The following ITGAM variants were observed in gnomAD, a reference collection of about 807,000 sequenced individuals.
ITGAM encodes integrin subunit alpha M.
A neutral mutation model predicts 137.5 loss-of-function variants in ITGAM; 79 were observed. The ratio of observed to expected loss-of-function variants is 0.57; its 90% confidence interval spans 0.48 to 0.69. The LOEUF (loss-of-function observed/expected upper bound fraction) is 0.69, where lower values mean the gene tolerates loss of function less well. Among genes scored for constraint, ITGAM ranks in the 30% least tolerant of loss-of-function variants. The probability of loss-of-function intolerance (pLI) is 0.00; values close to 1 mark genes in which losing one functional copy is unlikely to be tolerated. For missense variants in ITGAM, 1,343 were observed against 1,483.5 expected (o/e 0.91, Z 1.56); for synonymous variants, 583 against 592.3 (o/e 0.98, Z 0.23).
At chr16:31,281,634 C>T (rs1000922801) in intron 12 of ITGAM, among the ~76,000 whole-genome samples, 21 of 152,044 alleles carry the variant, frequency 1.4e-4, no homozygotes, top group South Asian at 6.2e-4. Flanking sequence ...GTCTTGCTAG[C>T]GGTCTATCAG....
chr16:31,304,386 T>G (rs1017936512), intron 14 of ITGAM, among the ~76,000 whole-genome samples: 1 of 152,212 alleles, frequency 6.6e-6, no homozygotes, highest in African/African-American at 2.4e-5. Context: ...GATGCATAGT[T>G]GGCAAATATT....
Position 31,285,672 on chromosome 16 carries a change from T to C in ITGAM, c.1356+7563T>C, listed in dbSNP as rs2080021251. ...AAAATTTCAAGTTTTAGATTTGGGG[T>C]ACATGTATAGGCTTGTTACATGCAT... On this transcript the variant is annotated intron_variant, in intron 12 of 29. Transcript: ENST00000544665. Among the ~76,000 whole-genome samples the C allele has an allele frequency of 2.0e-5, 3 of 152,138 alleles. No homozygotes were observed. The South Asian group carries it at 6.2e-4, about 32-fold the overall frequency.
chr16:31,262,702 G>A (rs542776165), intron 2 of ITGAM, among the ~76,000 whole-genome samples: 2 of 152,212 alleles, frequency 1.3e-5, no homozygotes, highest in South Asian at 4.2e-4. Context: ...ACTGTGCCTG[G>A]CTATGGCCAC....
At chr16:31,325,733 G>C in intron 21 of ITGAM, 111 bp downstream of exon 21, 1 of 1,315,002 alleles carries the variant, frequency 7.6e-7, no homozygotes, top group South Asian at 1.5e-5. Flanking sequence ...CAGCTTTATT[G>C]AGATATAATT....
At chr16:31,279,044 A>G (rs950736729) in intron 12 of ITGAM, among the ~76,000 whole-genome samples, 2 of 152,180 alleles carry the variant, frequency 1.3e-5, no homozygotes, top group African/African-American at 2.4e-5. Flanking sequence ...AGCTTCATCC[A>G]TGTCCCTACA....
Position 31,273,395 on chromosome 16 carries a change from C to T in ITGAM, c.735C>T (p.Ala245=). 1.2e-6 allele frequency: 2 copies of T among 1,613,760 alleles called. No homozygotes were observed. The highest frequency in any genetic ancestry group is 2.2e-5 in the East Asian group (1 of 44,876). Residue 245 remains alanine, a synonymous_variant, in exon 8 of 30, where the codon GCC becomes GCT. Coordinates refer to ENST00000544665, the MANE Select transcript of ITGAM (RefSeq NM_000632.4). ...VRELFNITNG[A]RKNAFKILVV... is the part of the protein sequence containing the mutation. ...AGCTGTTTAACATCACCAACGGAGC[C>T]CGAAAGAATGCCTTTAAGATCCTAG...
At position 31,271,990 on chromosome 16, in the gene ITGAM, G is replaced by C; in HGVS notation, c.702G>C (p.Val234=). ...ACACGGCCACGGGCATCCGCAAAGT[G>C]GTGTAAGCTTCCCCTTTTCCCTTAG... ...RTHTATGIRK[V]VRELFNITNG... is the part of the protein sequence containing the mutation. The change falls in exon 7 of 30, where the codon GTG becomes GTC. Residue 234 remains valine, a splice_region_variant and synonymous_variant. Transcript: ENST00000544665. 6.2e-7 allele frequency: 1 copy of C among 1,613,980 alleles called. No individual in the cohort carries two copies. The highest frequency in any genetic ancestry group is 2.2e-5 in the East Asian group (1 of 44,872).
chr16:31,294,047 G>T (rs73534414), intron 12 of ITGAM, among the ~76,000 whole-genome samples: 1,900 of 152,230 alleles, frequency 0.012, 36 homozygotes, highest in African/African-American at 0.043. Flanking sequence ...TCTTGTTGGT[G>T]TATAGGAGTG....
At chr16:31,284,532 G>A (rs1596995382) in intron 12 of ITGAM, among the ~76,000 whole-genome samples, 1 of 152,138 alleles carries the variant, frequency 6.6e-6, no homozygotes. Flanking sequence ...AGCCAGACGC[G>A]GGATATAATC....
chr16:31,305,363 CT>C (rs1471860886), intron 14 of ITGAM, among the ~76,000 whole-genome samples: 1 of 152,076 alleles, frequency 6.6e-6, no homozygotes, highest in Admixed American at 6.6e-5. Flanking sequence ...TTGGATGAGC[CT>C]TTAGCATTTT....
At chr16:31,311,326 C>A (rs1242195232) in intron 14 of ITGAM, among the ~76,000 whole-genome samples, 1 of 152,218 alleles carries the variant, frequency 6.6e-6, no homozygotes, top group Non-Finnish European at 1.5e-5. Flanking sequence ...GCAAAAGAAA[C>A]TACCATCAGA....
In ITGAM at chr16:31,277,164, A is replaced by G; in HGVS notation, c.1213+115A>G. On this transcript the variant is annotated intron_variant, in intron 11 of 29. Transcript: ENST00000544665. ...GATACATATGTATGGGATACTAGCTATTAGTCTCTTGGGATAGCTTTAAAG... is the reference window on the plus strand; with the variant it reads ...GATACATATGTATGGGATACTAGCTGTTAGTCTCTTGGGATAGCTTTAAAG... 4 of 889,172 alleles carry G rather than the reference A, an allele frequency of 4.5e-6. No individual in the cohort carries two copies. The South Asian group carries it at 1.0e-4, about 22-fold the overall frequency. 55.1% of individuals were successfully genotyped at this position (889,172 alleles called of 1,614,324 possible).
rs984700892 is a variant in ITGAM, at chr16:31,321,699, C to T, written c.2002+72C>T. 24 of 1,486,354 alleles carry T rather than the reference C, an allele frequency of 1.6e-5. No homozygotes were observed. The African/African-American group carries it at 3.3e-4, about 21-fold the overall frequency. The allele number at this position is 1,486,354 out of a possible 1,614,324, so 92.1% of individuals were successfully genotyped here. On this transcript the variant is annotated intron_variant, in intron 16 of 29. Transcript: ENST00000544665. ...TGAATGGGTGCTGCAATCCACTCTG[C>T]CCAGCCTTCTGGCTGTCCTGAACTG...
intron 2 of ITGAM, among the ~76,000 whole-genome samples, chr16:31,263,299 A>G (rs1418367225): frequency 1.3e-5 from 2 of 152,238 alleles, no homozygotes; most frequent in Non-Finnish European, 1.5e-5. Flanking sequence ...GATTGTTCCC[A>G]AACTTTTGCT....
chr16:31,325,715 G>A, intron 21 of ITGAM, 93 bp downstream of exon 21: 2 of 1,435,012 alleles, frequency 1.4e-6, no homozygotes, highest in Non-Finnish European at 1.9e-6. Flanking sequence ...GTTCCTTTTT[G>A]TACAAAACAG....
intron 14 of ITGAM, among the ~76,000 whole-genome samples, chr16:31,312,017 C>G (rs1309933004): frequency 6.6e-6 from 1 of 151,200 alleles, no homozygotes; most frequent in African/African-American, 2.4e-5. Context: ...CCATCATTCT[C>G]AGCAAACTAT....
At chr16:31,314,353 A>G (rs1271135731) in intron 14 of ITGAM, among the ~76,000 whole-genome samples, 1 of 152,108 alleles carries the variant, frequency 6.6e-6, no homozygotes, top group Non-Finnish European at 1.5e-5. Flanking sequence ...TAGGGTTTTT[A>G]TGGTTGTAAA....
chr16:31,282,931 C>T (rs1244496183), intron 12 of ITGAM, among the ~76,000 whole-genome samples: 1 of 152,174 alleles, frequency 6.6e-6, no homozygotes, highest in East Asian at 1.9e-4. Flanking sequence ...CAAAATCTCT[C>T]AGCATTTGCT....
At chr16:31,265,160 G>A (rs4889642) in intron 2 of ITGAM, among the ~76,000 whole-genome samples, 9,622 of 152,170 alleles carry the variant, frequency 0.063, 1,026 homozygotes, top group African/African-American at 0.22. Flanking sequence ...GAGCCACCGC[G>A]CCTGGTCCTA....
Sources: allele counts gnomAD v4.1 joint callset (sites outside exome capture counted in the v4.1 genomes callset), GRCh38; gene constraint gnomAD v4.1.1; transcripts MANE v1.5; gene names NCBI Gene and HGNC (gene_info 2026-07-23, HGNC 2026-07-21).